The following TAFA1 variants were observed in gnomAD, a reference collection of about 807,000 sequenced individuals.
TAFA1 encodes the protein chemokine-like protein TAFA-1.
A neutral mutation model predicts 18.5 loss-of-function variants in TAFA1; 4 were observed. The observed-to-expected ratio is 0.22, with a 90% CI of 0.11 to 0.49. The LOEUF is 0.49. Ranked by LOEUF, TAFA1 falls within the 20% of genes least tolerant of loss-of-function variation. TAFA1 has a pLI of 0.98. For missense variants in TAFA1, 147 were observed against 169.0 expected (o/e 0.87, Z 0.72); for synonymous variants, 56 against 55.2 (o/e 1.01, Z -0.06).
intron 2 of TAFA1, among the ~76,000 whole-genome samples, chr3:68,216,722 T>C (rs1469261999): frequency 6.6e-6 from 1 of 152,006 alleles, no homozygotes; most frequent in Non-Finnish European, 1.5e-5. Context: ...TGGAGCATCT[T>C]GTAGTACCAG....
chr3:68,359,784 T>G (rs1280827503), intron 2 of TAFA1, among the ~76,000 whole-genome samples: 6 of 151,960 alleles, frequency 3.9e-5, no homozygotes, highest in African/African-American at 1.4e-4. Flanking sequence ...CAAATGCCCC[T>G]TCATGGAGCT....
At chr3:68,532,308 C>A (rs1400838777) in intron 3 of TAFA1, among the ~76,000 whole-genome samples, 1 of 152,136 alleles carries the variant, frequency 6.6e-6, no homozygotes, top group Non-Finnish European at 1.5e-5. Flanking sequence ...AGAAAGGCTG[C>A]CTTCTTATGC....
chr3:68,147,187 T>A (rs2065752158), intron 2 of TAFA1, among the ~76,000 whole-genome samples: 1 of 152,026 alleles, frequency 6.6e-6, no homozygotes, highest in Non-Finnish European at 1.5e-5. Context: ...TTATGGAAAC[T>A]AAGTAATCCT....
At chr3:68,142,562 C>T (rs2065680540) in intron 2 of TAFA1, among the ~76,000 whole-genome samples, 1 of 152,106 alleles carries the variant, frequency 6.6e-6, no homozygotes, top group African/African-American at 2.4e-5. Context: ...TGCTGCCCAC[C>T]CAGCCATCTG....
chr3:68,367,855 C>G (rs2069602770), intron 2 of TAFA1, among the ~76,000 whole-genome samples: 1 of 151,542 alleles, frequency 6.6e-6, no homozygotes, highest in Non-Finnish European at 1.5e-5. Flanking sequence ...AGGAAGGAGA[C>G]AAAAAAATAA....
intron 3 of TAFA1, among the ~76,000 whole-genome samples, chr3:68,424,324 G>A (rs1005996954): frequency 6.6e-6 from 1 of 151,678 alleles, no homozygotes; most frequent in East Asian, 1.9e-4. Context: ...GAAAGAGAGG[G>A]TCAGAGATTA....
At chr3:68,091,131 A>G (rs2065025321) in intron 2 of TAFA1, among the ~76,000 whole-genome samples, 1 of 152,154 alleles carries the variant, frequency 6.6e-6, no homozygotes, top group African/African-American at 2.4e-5. Context: ...TTACCCTATA[A>G]AATGACAATA....
intron 2 of TAFA1, among the ~76,000 whole-genome samples, chr3:68,255,196 A>T (rs1021941740): frequency 2.0e-5 from 3 of 152,194 alleles, no homozygotes; most frequent in Non-Finnish European, 2.9e-5. Context: ...AATCTGAGAA[A>T]TGTGAATGGA....
At chr3:68,326,248 A>G (rs984974749) in intron 2 of TAFA1, among the ~76,000 whole-genome samples, 1 of 152,204 alleles carries the variant, frequency 6.6e-6, no homozygotes. Context: ...ATTATTGAAC[A>G]AAACCAACTT....
intron 2 of TAFA1, among the ~76,000 whole-genome samples, chr3:68,322,898 A>C (rs1448881396): frequency 6.6e-6 from 1 of 152,122 alleles, no homozygotes; most frequent in African/African-American, 2.4e-5. Context: ...AGCGAAGATC[A>C]CACCACTGCA....
Position 68,072,446 on chromosome 3 carries a change from G to A in TAFA1, c.118+65702G>A, listed in dbSNP as rs115881556. On this transcript the variant is annotated intron_variant, in intron 2 of 4. Transcript: ENST00000478136. ...GGGTGGTGTTTTAGTTGTTTCCAGG[G>A]TAGAAATGTGGAAAATGGATTTGGG... Among the ~76,000 whole-genome samples the A allele has an allele frequency of 3.8e-3, 574 of 152,280 alleles. 1 individual carries two copies. The highest frequency in any genetic ancestry group is 0.013 in the African/African-American group (552 of 41,544).
At chr3:68,199,314 T>C (rs2066447130) in intron 2 of TAFA1, among the ~76,000 whole-genome samples, 1 of 151,560 alleles carries the variant, frequency 6.6e-6, no homozygotes, top group Non-Finnish European at 1.5e-5. Context: ...ACTTTATTTT[T>C]CTCCTTCAAT....
At chr3:68,291,100 A>G (rs1211745150) in intron 2 of TAFA1, among the ~76,000 whole-genome samples, 2 of 152,164 alleles carry the variant, frequency 1.3e-5, no homozygotes, top group Middle Eastern at 3.2e-3. Flanking sequence ...GAAAATATTC[A>G]AGAAATGTTA....
At position 68,518,763 on chromosome 3, in the gene TAFA1, A is replaced by G. The variant is rs887981848; in HGVS notation, c.260-19993A>G. Among the ~76,000 whole-genome samples, 15 of 152,104 alleles carry G rather than the reference A, an allele frequency of 9.9e-5. 1 individual carries two copies. Among genetic ancestry groups the G allele is most frequent in the Admixed American group, 6.6e-4 (10 of 15,264 alleles). On this transcript the variant is annotated intron_variant, in intron 3 of 4. Coordinates refer to ENST00000478136, the MANE Select transcript of TAFA1 (RefSeq NM_213609.4). ...AGGTCCCATGACCACATGGTTTGAG[A>G]GAGTGAGTGAAGGTTGTTTCCCCAA...
intron 2 of TAFA1, among the ~76,000 whole-genome samples, chr3:68,328,199 A>G (rs2068807684): frequency 6.6e-6 from 1 of 152,280 alleles, no homozygotes; most frequent in South Asian, 2.1e-4. Flanking sequence ...GGTTTTCATG[A>G]ATCAGCTGGT....
chr3:68,044,775 A>C (rs1705234553), intron 2 of TAFA1, among the ~76,000 whole-genome samples: 1 of 152,212 alleles, frequency 6.6e-6, no homozygotes, highest in Admixed American at 6.5e-5. Flanking sequence ...GCAAGTTTCA[A>C]AATTTTTCTG....
intron 3 of TAFA1, among the ~76,000 whole-genome samples, chr3:68,454,738 T>C (rs1049250352): frequency 3.3e-5 from 5 of 152,222 alleles, no homozygotes; most frequent in African/African-American, 1.2e-4. Context: ...CATTACAAGT[T>C]GCATAAGAAT....
At chr3:68,508,473 G>A (rs2665547) in intron 3 of TAFA1, among the ~76,000 whole-genome samples, 30,682 of 151,906 alleles carry the variant, frequency 0.2, 3,180 homozygotes, top group Middle Eastern at 0.23. Flanking sequence ...ACTCTATGCT[G>A]TGGATACTGT....
At chr3:68,336,192 A>C (rs950851202) in intron 2 of TAFA1, among the ~76,000 whole-genome samples, 2 of 152,244 alleles carry the variant, frequency 1.3e-5, no homozygotes, top group Non-Finnish European at 2.9e-5. Context: ...TATATGTAAA[A>C]GGCACCTAGC....
Sources: allele counts gnomAD v4.1 joint callset (sites outside exome capture counted in the v4.1 genomes callset), GRCh38; gene constraint gnomAD v4.1.1; transcripts MANE v1.5; gene names NCBI Gene and HGNC (gene_info 2026-07-23, HGNC 2026-07-21).